Variants in MIPOL1 observed in about 807,000 individuals in gnomAD.
MIPOL1 encodes the protein mirror-image polydactyly 1.
In MIPOL1, 57 loss-of-function variants were observed where a neutral mutation model predicts 60.9. The observed-to-expected ratio is 0.94, with a 90% confidence interval of 0.76 to 1.17. The LOEUF is 1.17. Among genes scored for constraint, MIPOL1 ranks in the 50% most tolerant of loss-of-function variants. The pLI, the probability that MIPOL1 is intolerant of heterozygous loss-of-function variation, is 0.00. For synonymous variants in MIPOL1, 179 were observed against 168.8 expected (o/e 1.06, Z -0.47); for missense variants, 551 against 511.6 (o/e 1.08, Z -0.74).
chr14:37,451,758 A>C (rs1198265374), intron 11 of MIPOL1, among the ~76,000 whole-genome samples: 3 of 151,480 alleles, frequency 2.0e-5, no homozygotes, highest in African/African-American at 7.3e-5. Context: ...ATTTGCCAAA[A>C]TGTATCAAAG....
rs1226604935 is a variant in MIPOL1 at position 37,550,809 on chromosome 14, C to G, written c.*3838C>G. 1 of 152,502 alleles carries G rather than the reference C, an allele frequency of 6.6e-6. No individual in the cohort carries two copies. The highest frequency in any genetic ancestry group is 1.5e-5 in the Non-Finnish European group (1 of 67,976). The allele number at this position is 152,502 out of a possible 1,614,324, so 9.4% of individuals were successfully genotyped here. A position where few individuals can be genotyped will look rare whatever the true frequency, so the allele number is the denominator to read the frequency against. On this transcript the variant is annotated 3_prime_UTR_variant, in exon 13 of 13. Coordinates refer to ENST00000684589, the MANE Select transcript of MIPOL1 (RefSeq NM_001388067.1). ...ACCAGCAGCATACGTTCCAGAAGAG[C>G]ATCTCAAGTTACCAAATTTTTTGTA...
At chr14:37,344,389 T>A (rs528397971) in intron 9 of MIPOL1, among the ~76,000 whole-genome samples, 79 of 152,162 alleles carry the variant, frequency 5.2e-4, no homozygotes, top group Middle Eastern at 6.8e-3. Flanking sequence ...CTCTGTAGTA[T>A]CATTTAATAT....
intron 12 of MIPOL1, among the ~76,000 whole-genome samples, chr14:37,501,066 T>A (rs2095208710): frequency 6.6e-6 from 1 of 152,204 alleles, no homozygotes; most frequent in South Asian, 2.1e-4. Flanking sequence ...GAAGTTATAT[T>A]TTGATTAATA....
At chr14:37,326,237 AT>A (rs989559142) in intron 9 of MIPOL1, among the ~76,000 whole-genome samples, 1 of 152,206 alleles carries the variant, frequency 6.6e-6, no homozygotes, top group African/African-American at 2.4e-5. Flanking sequence ...CCATTTTGCT[AT>A]TCTGTCAAGC....
chr14:37,232,918 T>A (rs1463271847), intron 1 of MIPOL1, among the ~76,000 whole-genome samples: 1 of 152,238 alleles, frequency 6.6e-6, no homozygotes, highest in African/African-American at 2.4e-5. Context: ...GATTATACAG[T>A]GATTAAACTA....
chr14:37,299,918 C>T (rs1158987120), intron 7 of MIPOL1, among the ~76,000 whole-genome samples: 1 of 151,902 alleles, frequency 6.6e-6, no homozygotes, highest in Admixed American at 6.6e-5. Flanking sequence ...TGTTTTAAGA[C>T]CTTGATAGTT....
intron 1 of MIPOL1, among the ~76,000 whole-genome samples, chr14:37,222,837 A>G (rs1203221914): frequency 1.3e-5 from 2 of 152,076 alleles, no homozygotes; most frequent in Non-Finnish European, 2.9e-5. Flanking sequence ...TCCAGCCTCT[A>G]CCCATTACCT....
intron 11 of MIPOL1, among the ~76,000 whole-genome samples, chr14:37,433,446 C>T (rs1291273783): frequency 2.6e-5 from 4 of 152,204 alleles, no homozygotes; most frequent in South Asian, 4.1e-4. Context: ...GTTCAACTTC[C>T]GCTTATGAGT....
chr14:37,322,581 C>G (rs2088695287), intron 9 of MIPOL1, among the ~76,000 whole-genome samples: 1 of 151,586 alleles, frequency 6.6e-6, no homozygotes, highest in Admixed American at 6.6e-5. Flanking sequence ...GATTTTCTTT[C>G]TTTAAAAATA....
At chr14:37,431,447 A>C (rs2094062768) in intron 11 of MIPOL1, among the ~76,000 whole-genome samples, 1 of 151,246 alleles carries the variant, frequency 6.6e-6, no homozygotes, top group East Asian at 2.0e-4. Flanking sequence ...CTGAAACTTT[A>C]TTTTCACCCT....
Position 37,410,289 on chromosome 14 carries a change from A to T in MIPOL1, c.937-12566A>T, listed in dbSNP as rs2093659944. ...GAGTTAATGGGTGCAGCATACCAGC[A>T]TGGCACATGTATAGATATGTAACAA... is the stretch of plus-strand genomic sequence containing the variant. On this transcript the variant is annotated intron_variant, in intron 10 of 12. Transcript: ENST00000684589. Among the ~76,000 whole-genome samples the T allele has an allele frequency of 2.0e-5, 3 of 152,316 alleles. No individual in the cohort carries two copies. The South Asian group carries it at 6.2e-4, about 32-fold the overall frequency.
intron 6 of MIPOL1, among the ~76,000 whole-genome samples, chr14:37,279,579 A>G (rs2083933619): frequency 6.6e-6 from 1 of 152,090 alleles, no homozygotes; most frequent in African/African-American, 2.4e-5. Context: ...AAAAATTATC[A>G]TGCAGTAAAT....
intron 10 of MIPOL1, among the ~76,000 whole-genome samples, chr14:37,383,378 T>G (rs1463429521): frequency 3.3e-5 from 5 of 151,908 alleles, no homozygotes; most frequent in Non-Finnish European, 5.9e-5. Flanking sequence ...AGTGACAATT[T>G]TTTACATTGA....
intron 11 of MIPOL1, among the ~76,000 whole-genome samples, chr14:37,497,851 A>G (rs1484961833): frequency 1.3e-5 from 2 of 152,196 alleles, no homozygotes; most frequent in African/African-American, 2.4e-5. Context: ...ACTAATTTGG[A>G]AGACTATTAG....
chr14:37,396,656 G>A (rs1356159770), intron 10 of MIPOL1, among the ~76,000 whole-genome samples: 1 of 151,972 alleles, frequency 6.6e-6, no homozygotes, highest in African/African-American at 2.4e-5. Context: ...CTTCCTGGAG[G>A]CTTTGTTCAT....
At chr14:37,490,222 C>T (rs567086506) in intron 11 of MIPOL1, among the ~76,000 whole-genome samples, 5 of 152,238 alleles carry the variant, frequency 3.3e-5, no homozygotes, top group East Asian at 1.9e-4. Context: ...CCACCCAGTT[C>T]GAACTTCCCT....
Position 37,548,372 on chromosome 14 carries a change from A to G in MIPOL1, c.*1401A>G, listed in dbSNP as rs1482149661. 1 of 151,976 alleles carries G rather than the reference A, an allele frequency of 6.6e-6. No homozygotes were observed. The highest frequency in any genetic ancestry group is 1.5e-5 in the Non-Finnish European group (1 of 67,886). The allele number at this position is 151,976 out of a possible 1,614,324, so 9.4% of individuals were successfully genotyped here. A position where few individuals can be genotyped will look rare whatever the true frequency, so the allele number is the denominator to read the frequency against. ...AAGAATCATAATGCTAACAAACTCTATTTCTTCCTTATTAAATCTGTATCC... is the reference window on the plus strand; with the variant it reads ...AAGAATCATAATGCTAACAAACTCTGTTTCTTCCTTATTAAATCTGTATCC... On this transcript the variant is annotated 3_prime_UTR_variant, in exon 13 of 13. Coordinates refer to ENST00000684589, the MANE Select transcript of MIPOL1 (RefSeq NM_001388067.1).
intron 6 of MIPOL1, among the ~76,000 whole-genome samples, chr14:37,274,716 A>G (rs2083522149): frequency 6.6e-6 from 1 of 151,394 alleles, no homozygotes; most frequent in South Asian, 2.1e-4. Context: ...CTCACTAAGC[A>G]TTAGTTAAAA....
intron 12 of MIPOL1, among the ~76,000 whole-genome samples, chr14:37,539,838 T>G (rs902653131): frequency 2.0e-5 from 3 of 152,224 alleles, no homozygotes; most frequent in Non-Finnish European, 2.9e-5. Flanking sequence ...GATTTGGCTG[T>G]GTCCCCACCC....
Sources: gnomAD v4.1 joint callset for allele counts (sites outside exome capture counted in the v4.1 genomes callset) on GRCh38, gnomAD v4.1.1 for gene constraint, MANE v1.5 for transcripts, NCBI Gene and HGNC (gene_info 2026-07-23, HGNC 2026-07-21) for gene names.